The following TLK1 variants were observed in gnomAD, a reference collection of about 807,000 sequenced individuals.
The protein encoded by TLK1 is serine/threonine-protein kinase tousled-like 1.
TLK1 carries 24 observed loss-of-function variants against 105.3 expected under a neutral mutation model. That is an observed-to-expected ratio of 0.23 (90% CI 0.17 to 0.32). The LOEUF is 0.32. Ranked by LOEUF, TLK1 falls within the 10% of genes least tolerant of loss-of-function variation. TLK1 has a pLI of 1.00. For synonymous variants in TLK1, 321 were observed against 310.4 expected (o/e 1.03, Z -0.36); for missense variants, 558 against 910.5 (o/e 0.61, Z 4.98).
chr2:171,111,695 G>GA (rs1452474592), intron 2 of TLK1, among the ~76,000 whole-genome samples: 1 of 151,976 alleles, frequency 6.6e-6, no homozygotes, highest in African/African-American at 2.4e-5. Context: ...ACAGGATGCT[G>GA]AAAAAACTAA....
At chr2:170,999,609 G>A (rs945003183) in intron 18 of TLK1, among the ~76,000 whole-genome samples, 5 of 152,202 alleles carry the variant, frequency 3.3e-5, no homozygotes, top group African/African-American at 9.7e-5. Flanking sequence ...TTCTGAGGAT[G>A]AAAGGTAATT....
At chr2:171,007,428 T>C (rs754383139) in intron 14 of TLK1, among the ~76,000 whole-genome samples, 2 of 152,016 alleles carry the variant, frequency 1.3e-5, no homozygotes, top group Non-Finnish European at 2.9e-5. Context: ...TTTTTGTAGG[T>C]TGGATAAAAC....
At chr2:171,204,744 C>T (rs892681532) in intron 1 of TLK1, among the ~76,000 whole-genome samples, 4 of 151,778 alleles carry the variant, frequency 2.6e-5, no homozygotes, top group Admixed American at 6.6e-5. Flanking sequence ...AGATCAGTTA[C>T]GGTCAGGAGT....
intron 12 of TLK1, among the ~76,000 whole-genome samples, chr2:171,022,092 C>CACACACACAGACACACACACAG (rs149075161): frequency 2.7e-5 from 4 of 147,884 alleles, no homozygotes; most frequent in African/African-American, 1.0e-4. Flanking sequence ...GAAAAACACA[C>CACACACACAGACACACACACAG]ACACACACAC....
Position 171,049,912 on chromosome 2 carries a change from C to CATACT in TLK1, c.877_881dup (p.Met294IlefsTer35). ...AGTGCCCGAGGCGTAATCGATCTTG[C>CATACT]ATACTCTTCTCTCTGCTTGACAGCT... On this transcript the variant is annotated frameshift_variant, in exon 10 of 21. Transcript: ENST00000431350. LOFTEE classifies it high-confidence loss of function. 6.2e-7 allele frequency: 1 copy of CATACT among 1,613,834 alleles called. No individual in the cohort carries two copies. Among genetic ancestry groups the CATACT allele is most frequent in the Non-Finnish European group, 8.5e-7 (1 of 1,179,946 alleles).
At chr2:171,028,078 G>A (rs980752672) in intron 12 of TLK1, among the ~76,000 whole-genome samples, 1 of 152,192 alleles carries the variant, frequency 6.6e-6, no homozygotes, top group Admixed American at 6.5e-5. Context: ...CACGAAAATT[G>A]CTTGAACCAG....
chr2:171,156,557 TTC>T (rs746142733), intron 1 of TLK1, among the ~76,000 whole-genome samples: 1 of 152,218 alleles, frequency 6.6e-6, no homozygotes, highest in African/African-American at 2.4e-5. Flanking sequence ...CCGTTCTGGT[TTC>T]TCTCTTTTAT....
At chr2:171,168,445 T>G (rs1281919570) in intron 1 of TLK1, among the ~76,000 whole-genome samples, 3 of 152,218 alleles carry the variant, frequency 2.0e-5, no homozygotes, top group Non-Finnish European at 4.4e-5. Context: ...GAGCTGCAAG[T>G]GATTTTTTTG....
In TLK1 at chr2:171,000,144, G is replaced by A. The variant is rs551327001; in HGVS notation, c.1905-2321C>T. Among the ~76,000 whole-genome samples, 32 of 152,158 alleles carry A rather than the reference G, an allele frequency of 2.1e-4. No homozygotes were observed. The South Asian group carries it at 5.4e-3, about 26-fold the overall frequency. On this transcript the variant is annotated intron_variant, in intron 18 of 20. Coordinates refer to ENST00000431350, the MANE Select transcript of TLK1 (RefSeq NM_012290.5). Reference sequence around the variant, plus strand: ...TGTAATCCCAGCACTTTGGGAGGCCGAGACGGGTAGAACAGGAGGTCGGCA... The same window carrying A: ...TGTAATCCCAGCACTTTGGGAGGCCAAGACGGGTAGAACAGGAGGTCGGCA...
chr2:171,061,545 A>G (rs1687748889), intron 3 of TLK1, among the ~76,000 whole-genome samples: 1 of 152,246 alleles, frequency 6.6e-6, no homozygotes, highest in Non-Finnish European at 1.5e-5. Flanking sequence ...CTACTCAAAC[A>G]TACTTAGTGT....
intron 1 of TLK1, among the ~76,000 whole-genome samples, chr2:171,200,056 G>A (rs1342880321): frequency 6.6e-6 from 1 of 152,102 alleles, no homozygotes; most frequent in Non-Finnish European, 1.5e-5. Flanking sequence ...TGGATGGTGA[G>A]GCCAAGCAAG....
intron 4 of TLK1, among the ~76,000 whole-genome samples, chr2:171,058,521 T>C (rs1267563278): frequency 6.6e-6 from 1 of 152,176 alleles, no homozygotes; most frequent in African/African-American, 2.4e-5. Context: ...CAGCTTTAGT[T>C]ATACAAACCA....
At chr2:171,058,814 G>C (rs746194137) in intron 4 of TLK1, among the ~76,000 whole-genome samples, 19 of 152,036 alleles carry the variant, frequency 1.2e-4, no homozygotes, top group Non-Finnish European at 2.6e-4. Context: ...ATGCTTTCTT[G>C]GGGGAGAAGT....
intron 2 of TLK1, among the ~76,000 whole-genome samples, chr2:171,084,914 T>C (rs1269157648): frequency 6.6e-6 from 1 of 152,104 alleles, no homozygotes; most frequent in Admixed American, 6.6e-5. Context: ...CAGTAGATAA[T>C]GCTTTAAGAT....
Position 171,080,030 on chromosome 2 carries a change from TAA to T in TLK1, c.330+2749_330+2750del, listed in dbSNP as rs75294654. 4.9e-3 allele frequency among the ~76,000 whole-genome samples: 752 copies of T among 152,010 alleles called. 6 individuals are homozygous for T. Among genetic ancestry groups the T allele is most frequent in the African/African-American group, 0.017 (697 of 41,494 alleles). On this transcript the variant is annotated intron_variant, in intron 3 of 20. Coordinates refer to ENST00000431350, the MANE Select transcript of TLK1 (RefSeq NM_012290.5). ...GGTGGTAGGAGAAAGCAATTTTTTT[TAA>T]AAAAAAAGTAATAAACTGTCTGGGC...
chr2:171,148,890 A>T (rs1165863571), intron 1 of TLK1, among the ~76,000 whole-genome samples: 75 of 138,458 alleles, frequency 5.4e-4, no homozygotes, highest in East Asian at 3.8e-3. Context: ...AAAAAAAAAA[A>T]ATATATATAT....
In TLK1 at chr2:171,065,860, A is replaced by G. The variant is rs376081371; in HGVS notation, c.331-4704T>C. Among the ~76,000 whole-genome samples, 264 of 152,276 alleles carry G rather than the reference A, an allele frequency of 1.7e-3. 1 individual carries two copies. Among genetic ancestry groups the G allele is most frequent in the African/African-American group, 6.0e-3 (249 of 41,548 alleles). ...CCCTCTCTGGCTATTCTAATGATTC[A>G]TACTTGGGTACCAAATTCAAGGGTA... On this transcript the variant is annotated intron_variant, in intron 3 of 20. Coordinates refer to ENST00000431350, the MANE Select transcript of TLK1 (RefSeq NM_012290.5).
Position 170,991,304 on chromosome 2 carries a change from G to A in TLK1, c.*2476C>T, listed in dbSNP as rs1400336765. ...AAACAATAAAACCCTAAAAAAAACA[G>A]TGTCAAAGACTGTCAGAGTGACCTT... is the stretch of plus-strand genomic sequence containing the variant. On this transcript the variant is annotated 3_prime_UTR_variant, in exon 21 of 21. Coordinates refer to ENST00000431350, the MANE Select transcript of TLK1 (RefSeq NM_012290.5). 2.0e-5 allele frequency: 3 copies of A among 152,140 alleles called. No homozygotes were observed. Among genetic ancestry groups the A allele is most frequent in the Non-Finnish European group, 4.4e-5 (3 of 68,014 alleles). The allele number at this position is 152,140 out of a possible 1,614,324, so 9.4% of individuals were successfully genotyped here.
intron 1 of TLK1, among the ~76,000 whole-genome samples, chr2:171,192,678 C>CA (rs1427445697): frequency 2.7e-5 from 4 of 148,234 alleles, no homozygotes; most frequent in African/African-American, 1.0e-4. Context: ...AGACTCCATC[C>CA]AAAAAAATAA....
Sources: gnomAD v4.1 joint callset for allele counts (sites outside exome capture counted in the v4.1 genomes callset) on GRCh38, gnomAD v4.1.1 for gene constraint, MANE v1.5 for transcripts, NCBI Gene and HGNC (gene_info 2026-07-23, HGNC 2026-07-21) for gene names.